AGAP1: variants seen among roughly 807,000 people sequenced by gnomAD.
The protein encoded by AGAP1 is arf-GAP with GTPase, ANK repeat and PH domain-containing protein 1.
In AGAP1, 29 loss-of-function variants were observed where a neutral mutation model predicts 105.3. The observed-to-expected ratio is 0.28, with a 90% CI of 0.21 to 0.38. The LOEUF (loss-of-function observed/expected upper bound fraction) is 0.38. AGAP1 is among the 10% of genes least tolerant of loss of function. The pLI, the probability that AGAP1 is intolerant of heterozygous loss-of-function variation, is 1.00. For synonymous variants in AGAP1, 509 were observed against 485.9 expected, an observed-to-expected ratio of 1.05 and a Z score of -0.63; for missense variants, 998 against 1,165.1, an observed-to-expected ratio of 0.86 and a Z score of 2.09.
chr2:235,678,333 G>A (rs2149387899), intron 1 of AGAP1, among the ~76,000 whole-genome samples: 1 of 152,326 alleles, frequency 6.6e-6, no homozygotes, highest in African/African-American at 2.4e-5. Context: ...GAGGAGACTG[G>A]AGCATGGAGG....
In AGAP1 at chr2:236,040,316, A is replaced by G. The variant is rs2057508134; in HGVS notation, c.1801-435A>G. Among the ~76,000 whole-genome samples the G allele has an allele frequency of 6.6e-6, 1 of 152,032 alleles. No individual in the cohort carries two copies. The highest frequency in any genetic ancestry group is 2.1e-4 in the South Asian group (1 of 4,816). On this transcript the variant is annotated intron_variant, in intron 14 of 17. Transcript: ENST00000304032. This position sits in a 1 kb window ranked among gnomAD's most constrained non-coding sequence, Gnocchi z 5.6. The stretch of plus-strand genomic sequence containing the variant: ...TATGAATGGGGTTTTCTGACAAGGA[A>G]CCATGAGATATGTCTTACATTGCTG...
At position 236,076,722 on chromosome 2, in the gene AGAP1, G is replaced by T. The variant is rs992011041; in HGVS notation, c.2114+27441G>T. On this transcript the variant is annotated intron_variant, in intron 16 of 17. Transcript: ENST00000304032. This position sits in a 1 kb window ranked among gnomAD's most constrained non-coding sequence, Gnocchi z 4.4. The stretch of plus-strand genomic sequence containing the variant: ...AACCACTAAAGAGGGAAGCCCCAGC[G>T]CTATGAGCATACCTGGCAACAGACC... 4.6e-5 allele frequency among the ~76,000 whole-genome samples: 7 copies of T among 152,118 alleles called. No homozygotes were observed. Among genetic ancestry groups the T allele is most frequent in the Non-Finnish European group, 8.8e-5 (6 of 68,026 alleles).
chr2:236,080,284 G>T lies in AGAP1; in HGVS notation c.2114+31003G>T, dbSNP rs770814387. The stretch of plus-strand genomic sequence containing the variant: ...AAAGACACAGGGAAAGGAGAGAGAA[G>T]AATTGTTACCCGGCAAAGATCAGAC... On this transcript the variant is annotated intron_variant, in intron 16 of 17. Transcript: ENST00000304032. This position sits in a 1 kb window ranked among gnomAD's most constrained non-coding sequence, Gnocchi z 4.2. 3.3e-5 allele frequency among the ~76,000 whole-genome samples: 5 copies of T among 152,214 alleles called. No homozygotes were observed. The highest frequency in any genetic ancestry group is 5.9e-5 in the Non-Finnish European group (4 of 68,042).
chr2:235,554,383 A>G (rs1038100457), intron 1 of AGAP1, among the ~76,000 whole-genome samples: 2 of 152,072 alleles, frequency 1.3e-5, no homozygotes, highest in African/African-American at 4.8e-5. Flanking sequence ...GCTCTTGACA[A>G]CCCCAGAGTA....
At chr2:235,863,262 AACC>A (rs1029930327) in intron 9 of AGAP1, among the ~76,000 whole-genome samples, 1 of 152,270 alleles carries the variant, frequency 6.6e-6, no homozygotes, top group African/African-American at 2.4e-5. Flanking sequence ...ACACAGTGCC[AACC>A]ACAATGTGAT....
chr2:235,563,043 C>G (rs1944214934), intron 1 of AGAP1, among the ~76,000 whole-genome samples: 1 of 152,120 alleles, frequency 6.6e-6, no homozygotes, highest in African/African-American at 2.4e-5. Context: ...GAACAAGACC[C>G]TATCTCAAAA....
At chr2:235,607,411 A>C (rs959346723) in intron 1 of AGAP1, among the ~76,000 whole-genome samples, 1 of 152,252 alleles carries the variant, frequency 6.6e-6, no homozygotes, top group African/African-American at 2.4e-5. Context: ...CAGAATTATT[A>C]GTCTACCTTT....
rs1575668414 is a variant in AGAP1, at chr2:235,875,179, C to G, written c.1051-8166C>G. Among the ~76,000 whole-genome samples the G allele has an allele frequency of 1.3e-5, 2 of 152,232 alleles. No homozygotes were observed. The highest frequency in any genetic ancestry group is 3.8e-4 in the East Asian group (2 of 5,208). ...TAAATGAGGTCACTTTTCAACCTTA[C>G]TGGTCCATGGCCCTGTCCTGTTTCT... On this transcript the variant is annotated intron_variant, in intron 9 of 17. Coordinates refer to ENST00000304032, the MANE Select transcript of AGAP1 (RefSeq NM_001037131.3). The surrounding 1 kb of genome is among the most constrained non-coding windows in gnomAD (Gnocchi z 4.0).
At chr2:235,838,188 C>G (rs534061056) in intron 9 of AGAP1, among the ~76,000 whole-genome samples, 1 of 152,080 alleles carries the variant, frequency 6.6e-6, no homozygotes, top group Admixed American at 6.5e-5. Context: ...TGTGTCCCCC[C>G]ACCCCCCCAA....
At chr2:236,084,639 ATGCCTGTAATCCCAGGACT>A (rs2058876132) in intron 16 of AGAP1, among the ~76,000 whole-genome samples, 1 of 152,198 alleles carries the variant, frequency 6.6e-6, no homozygotes, top group East Asian at 1.9e-4. Flanking sequence ...ACGGTAGCTC[ATGCCTGTAATCCCAGGACT>A]TTGGGAGGCT....
chr2:235,586,812 C>T lies in AGAP1; in HGVS notation c.163+91963C>T, dbSNP rs890822083. 6.6e-5 allele frequency among the ~76,000 whole-genome samples: 10 copies of T among 152,194 alleles called. No individual in the cohort carries two copies. The highest frequency in any genetic ancestry group is 1.0e-4 in the Non-Finnish European group (7 of 68,024). On this transcript the variant is annotated intron_variant, in intron 1 of 17. Transcript: ENST00000304032. The surrounding 1 kb of genome is among the most constrained non-coding windows in gnomAD (Gnocchi z 4.2). ...CCATTCCTGATAGGACAGGAGGGAG[C>T]GGTTGGCTGGGGAAGACCTGAGTGA...
chr2:236,085,229 A>G (rs2058896663), intron 16 of AGAP1, among the ~76,000 whole-genome samples: 1 of 151,962 alleles, frequency 6.6e-6, no homozygotes, highest in Non-Finnish European at 1.5e-5. Context: ...AAAAAAAAAA[A>G]AAAAAAAAAA....
intron 13 of AGAP1, among the ~76,000 whole-genome samples, chr2:235,991,384 A>C (rs2055557805): frequency 6.6e-6 from 1 of 152,182 alleles, no homozygotes; most frequent in African/African-American, 2.4e-5. Flanking sequence ...GGACAGTTTT[A>C]AAAAGTGGTC....
chr2:235,809,642 G>A lies in AGAP1; in HGVS notation c.1050+2311G>A, dbSNP rs564562601. On this transcript the variant is annotated intron_variant, in intron 9 of 17. Coordinates refer to ENST00000304032, the MANE Select transcript of AGAP1 (RefSeq NM_001037131.3). ...CCTTGTCAAAGCCTCTCTGTGCATCGGACGGATTGATGTGGGTTTGCAGAC... is the reference window on the plus strand; with the variant it reads ...CCTTGTCAAAGCCTCTCTGTGCATCAGACGGATTGATGTGGGTTTGCAGAC... Among the ~76,000 whole-genome samples, 258 of 152,258 alleles carry A rather than the reference G, an allele frequency of 1.7e-3. 1 individual carries two copies. Among genetic ancestry groups the A allele is most frequent in the African/African-American group, 4.7e-3 (197 of 41,538 alleles).
rs1431311631 is a variant in AGAP1, at chr2:235,977,622, G to A, written c.1645+8999G>A. Among the ~76,000 whole-genome samples, 1 of 152,094 alleles carries A rather than the reference G, an allele frequency of 6.6e-6. No homozygotes were observed. The highest frequency in any genetic ancestry group is 1.5e-5 in the Non-Finnish European group (1 of 68,026). The stretch of plus-strand genomic sequence containing the variant: ...GGGCTTCAGGAAGTAGAGATGCCCG[G>A]GGGTTATATTTTCAGATGTTCTAGC... On this transcript the variant is annotated intron_variant, in intron 13 of 17. Transcript: ENST00000304032. This position sits in a 1 kb window ranked among gnomAD's most constrained non-coding sequence, Gnocchi z 5.2.
chr2:235,614,937 G>A lies in AGAP1; in HGVS notation c.164-94242G>A, dbSNP rs766828041. On this transcript the variant is annotated intron_variant, in intron 1 of 17. Transcript: ENST00000304032. The surrounding 1 kb of genome is among the most constrained non-coding windows in gnomAD (Gnocchi z 4.7). ...ACAACAAATTTGGTTCACTGGGGCC[G>A]ACTTGAAAATAGTCAAAGTCCAAGT... 6.6e-6 allele frequency among the ~76,000 whole-genome samples: 1 copy of A among 152,208 alleles called. No homozygotes were observed. The highest frequency in any genetic ancestry group is 1.5e-5 in the Non-Finnish European group (1 of 68,042).
chr2:235,561,646 A>T (rs1944156601), intron 1 of AGAP1, among the ~76,000 whole-genome samples: 1 of 152,018 alleles, frequency 6.6e-6, no homozygotes, highest in Non-Finnish European at 1.5e-5. Context: ...GCTGGGGAGG[A>T]TGTTGAGAGG....
rs113317282 is a variant in AGAP1, at chr2:235,895,699, T to TTGGATGGA, written c.1155+12293_1155+12300dup. ...CTCTAACATCTGGAACACTGGCTTG[T>TTGGATGGA]TGGATGGATGGATGGATGGATGGAT... On this transcript the variant is annotated intron_variant, in intron 10 of 17. Coordinates refer to ENST00000304032, the MANE Select transcript of AGAP1 (RefSeq NM_001037131.3). Among the ~76,000 whole-genome samples, 624 of 119,004 alleles carry TTGGATGGA rather than the reference T, an allele frequency of 5.2e-3. 9 individuals carry two copies. The highest frequency in any genetic ancestry group is 0.033 in the South Asian group (130 of 3,970). 78.1% of individuals were successfully genotyped at this position (119,004 alleles called of 152,430 possible).
intron 1 of AGAP1, among the ~76,000 whole-genome samples, chr2:235,541,376 CTTTTTTTTT>C (rs556785424): frequency 0.016 from 1,423 of 90,934 alleles, 4 homozygotes; most frequent in Middle Eastern, 0.038. Flanking sequence ...CATTCTTATT[CTTTTTTTTT>C]TTTTTTTTTT....
Sources: gnomAD v4.1 joint callset for allele counts (sites outside exome capture counted in the v4.1 genomes callset) on GRCh38, gnomAD v4.1.1 for gene constraint, Gnocchi (gnomAD v3.1) non-coding constraint, MANE v1.5 for transcripts, NCBI Gene and HGNC (gene_info 2026-07-23, HGNC 2026-07-21) for gene names.